TSHZ2: variants seen among roughly 807,000 people sequenced by gnomAD.
TSHZ2 encodes teashirt zinc finger homeobox 2.
TSHZ2 carries 21 observed loss-of-function variants against 74.4 expected under a neutral mutation model. That is an observed-to-expected ratio of 0.28 (90% confidence interval 0.20 to 0.41). The LOEUF (loss-of-function observed/expected upper bound fraction) is 0.41, where lower values mean the gene tolerates loss of function less well. TSHZ2 is among the 10% of genes least tolerant of loss of function. The pLI is 1.00. For missense variants in TSHZ2, 1,244 were observed against 1,293.5 expected (o/e 0.96, Z 0.59); for synonymous variants, 540 against 515.3 (o/e 1.05, Z -0.65).
chr20:53,241,687 G>C (rs1990074466), intron 1 of TSHZ2, among the ~76,000 whole-genome samples: 5 of 152,092 alleles, frequency 3.3e-5, no homozygotes, highest in Admixed American at 3.3e-4. Context: ...ACTGAGTGCT[G>C]ATTTTTACCA....
At chr20:53,371,874 C>CAA (rs967830516) in intron 2 of TSHZ2, among the ~76,000 whole-genome samples, 15 of 74,408 alleles carry the variant, frequency 2.0e-4, no homozygotes, top group African/African-American at 4.5e-4. Context: ...GACTCCGTCT[C>CAA]AAAAAAAAAA....
intron 2 of TSHZ2, among the ~76,000 whole-genome samples, chr20:53,382,662 C>CG (rs1981901510): frequency 6.6e-6 from 1 of 152,206 alleles, no homozygotes; most frequent in South Asian, 2.1e-4. Context: ...TGGCTCCCCC[C>CG]GGGCCACAGT....
At chr20:53,002,700 T>A (rs1339038209) in intron 1 of TSHZ2, among the ~76,000 whole-genome samples, 1 of 152,132 alleles carries the variant, frequency 6.6e-6, no homozygotes, top group African/African-American at 2.4e-5. Context: ...GAATTTCAGA[T>A]AATATAAAAG....
chr20:53,323,563 C>CTTTTTTTTTTTTTTTTTTTTTTTTTT lies in TSHZ2; in HGVS notation c.*8+66999_*8+67024dup, dbSNP rs34687825. ...CACCCGTTTTCATTGCCTTGGAGGGCTTTTTTTTTTTTTTTTTTTTTTTTT... is the reference window on the plus strand; with the variant it reads ...CACCCGTTTTCATTGCCTTGGAGGGCTTTTTTTTTTTTTTTTTTTTTTTTTTTTTTTTTTTTTTTTTTTTTTTTTTT... On this transcript the variant is annotated intron_variant, in intron 2 of 2. Coordinates refer to ENST00000371497, the MANE Select transcript of TSHZ2 (RefSeq NM_173485.6). 1.1e-4 allele frequency among the ~76,000 whole-genome samples: 4 copies of CTTTTTTTTTTTTTTTTTTTTTTTTTT among 36,678 alleles called. 2 individuals are homozygous for CTTTTTTTTTTTTTTTTTTTTTTTTTT. The highest frequency in any genetic ancestry group is 2.3e-4 in the African/African-American group (2 of 8,554). The allele number at this position is 36,678 out of a possible 152,430, so 24.1% of individuals were successfully genotyped here.
At chr20:53,225,072 G>C (rs1233088146) in intron 1 of TSHZ2, among the ~76,000 whole-genome samples, 2 of 152,184 alleles carry the variant, frequency 1.3e-5, no homozygotes, top group Admixed American at 6.5e-5. Flanking sequence ...CACAAAAGCA[G>C]CCCTAAGTAA....
At chr20:53,371,621 A>G (rs554568758) in intron 2 of TSHZ2, among the ~76,000 whole-genome samples, 1 of 152,326 alleles carries the variant, frequency 6.6e-6, no homozygotes, top group African/African-American at 2.4e-5. Context: ...CACGCCTATA[A>G]TCCCAGCACT....
At chr20:53,046,805 T>G (rs552084503) in intron 1 of TSHZ2, among the ~76,000 whole-genome samples, 47 of 152,206 alleles carry the variant, frequency 3.1e-4, no homozygotes, top group Non-Finnish European at 6.0e-4. Context: ...GTGGGGATGC[T>G]AATACTAACC....
chr20:53,306,746 G>T (rs1978562297), intron 2 of TSHZ2, among the ~76,000 whole-genome samples: 1 of 152,212 alleles, frequency 6.6e-6, no homozygotes, highest in Non-Finnish European at 1.5e-5. Flanking sequence ...TTTGGGTAAT[G>T]AAATCTGTGG....
At chr20:53,019,673 A>G (rs1394616541) in intron 1 of TSHZ2, among the ~76,000 whole-genome samples, 3 of 152,166 alleles carry the variant, frequency 2.0e-5, no homozygotes, top group Admixed American at 1.3e-4. Context: ...TTGGAATTAC[A>G]TCCTCGTGGG....
intron 2 of TSHZ2, among the ~76,000 whole-genome samples, chr20:53,287,524 C>A (rs1460214713): frequency 6.6e-6 from 1 of 152,188 alleles, no homozygotes; most frequent in Admixed American, 6.5e-5. Context: ...AGGAATGAAA[C>A]TGAACCCACC....
At chr20:53,362,066 G>A (rs556755873) in intron 2 of TSHZ2, among the ~76,000 whole-genome samples, 1 of 151,934 alleles carries the variant, frequency 6.6e-6, no homozygotes, top group South Asian at 2.1e-4. Context: ...GTTTCACCAT[G>A]TTTGCCAGGC....
At chr20:53,311,821 C>G (rs915417343) in intron 2 of TSHZ2, among the ~76,000 whole-genome samples, 2 of 152,186 alleles carry the variant, frequency 1.3e-5, no homozygotes, top group African/African-American at 4.8e-5. Flanking sequence ...GTGGCTCACA[C>G]CTGTAATCCC....
At chr20:53,301,568 A>G (rs576179521) in intron 2 of TSHZ2, among the ~76,000 whole-genome samples, 3 of 152,230 alleles carry the variant, frequency 2.0e-5, no homozygotes, top group Non-Finnish European at 4.4e-5. Flanking sequence ...CTAAGCCTTT[A>G]ATATTTATAC....
At chr20:53,151,497 T>C (rs1272941852) in intron 1 of TSHZ2, among the ~76,000 whole-genome samples, 1 of 152,188 alleles carries the variant, frequency 6.6e-6, no homozygotes, top group East Asian at 1.9e-4. Context: ...ATATGGTACA[T>C]ATACCATGTA....
At chr20:53,383,079 G>T (rs1311063823) in intron 2 of TSHZ2, among the ~76,000 whole-genome samples, 1 of 152,020 alleles carries the variant, frequency 6.6e-6, no homozygotes, top group Non-Finnish European at 1.5e-5. Flanking sequence ...TGGGCAACAT[G>T]GTGAAACCCC....
chr20:53,433,207 A>G (rs1283835284), intron 2 of TSHZ2, among the ~76,000 whole-genome samples: 1 of 152,176 alleles, frequency 6.6e-6, no homozygotes, highest in African/African-American at 2.4e-5. Context: ...ACAGAAAACA[A>G]AACTAGGATT....
chr20:53,005,128 A>C (rs1294123131), intron 1 of TSHZ2, among the ~76,000 whole-genome samples: 1 of 152,136 alleles, frequency 6.6e-6, no homozygotes, highest in Non-Finnish European at 1.5e-5. Context: ...CCTGGGCAAC[A>C]CGGTGAAACC....
intron 2 of TSHZ2, among the ~76,000 whole-genome samples, chr20:53,317,408 G>T (rs1186172913): frequency 6.6e-6 from 1 of 152,124 alleles, no homozygotes; most frequent in Admixed American, 6.5e-5. Context: ...ATTGATCTCT[G>T]CCAACCACAG....
rs986848900 is a variant in TSHZ2, at chr20:53,490,599, C to T, written c.*3464C>T. The T allele has an allele frequency of 9.9e-5, 15 of 152,208 alleles. No individual in the cohort carries two copies. Among genetic ancestry groups the T allele is most frequent in the African/African-American group, 3.6e-4 (15 of 41,450 alleles). The allele number at this position is 152,208 out of a possible 1,614,324, so 9.4% of individuals were successfully genotyped here. ...AACTGGATAACCCAGACAGTCCCCA[C>T]AGAATTTCTTTCAGGTCACAGATTT... On this transcript the variant is annotated 3_prime_UTR_variant, in exon 3 of 3. Coordinates refer to ENST00000371497, the MANE Select transcript of TSHZ2 (RefSeq NM_173485.6).
Sources: allele counts gnomAD v4.1 joint callset (sites outside exome capture counted in the v4.1 genomes callset), GRCh38; gene constraint gnomAD v4.1.1; transcripts MANE v1.5; gene names NCBI Gene and HGNC (gene_info 2026-07-23, HGNC 2026-07-21).